Variants in LMF1 observed in about 807,000 individuals in gnomAD.
The protein encoded by LMF1 is lipase maturation factor 1.
A neutral mutation model predicts 60.6 loss-of-function variants in LMF1; 68 were observed. The ratio of observed to expected loss-of-function variants is 1.12; its 90% CI spans 0.92 to 1.37. The LOEUF is 1.37. LMF1 is among the 40% of genes most tolerant of loss of function. The pLI is 0.00. For synonymous variants in LMF1, 418 were observed against 324.7 expected, an observed-to-expected ratio of 1.29 and a Z score of -3.09; for missense variants, 948 against 767.2, an observed-to-expected ratio of 1.24 and a Z score of -2.78.
At chr16:879,439 G>A (rs1413250216) in intron 6 of LMF1, 131 bp downstream of exon 6, 4 of 1,078,360 alleles carry the variant, frequency 3.7e-6, no homozygotes, top group East Asian at 2.6e-5. Context: ...GAAGGCTGGG[G>A]AGGACAGGCT....
At position 970,877 on chromosome 16, in the gene LMF1, C is replaced by G. The variant is rs759097865; in HGVS notation, c.104G>C (p.Arg35Pro). Residue 35 changes from arginine (R) to proline (P), a missense_variant, in exon 1 of 11, where the codon CGT becomes CCT. By Grantham distance (103) the Arg-to-Pro change is moderately radical (BLOSUM62 -2). Transcript: ENST00000262301. ...ATGGGCCGGAGAGCCTGCGGGGCCA[C>G]GCCCCGGCGCGGGCGGCGACTCAGG... ...PEPESPPAPG[R>P]GPAGSPAHLH... 6.4e-6 allele frequency: 10 copies of G among 1,569,112 alleles called. No homozygotes were observed. The African/African-American group carries it at 8.3e-5, about 13-fold the overall frequency.
At chr16:871,423 G>GTTCCCTCCCCCCTCCCTGCTCCA in intron 6 of LMF1, 82 bp from the exon 7 acceptor site, 1 of 1,388,740 alleles carries the variant, frequency 7.2e-7, no homozygotes. Flanking sequence ...CCTGGAGCAG[G>GTTCCCTCCCCCCTCCCTGCTCCA]GAGGGGGGAG....
chr16:877,106 G>A (rs2070013796), intron 6 of LMF1, among the ~76,000 whole-genome samples: 1 of 152,194 alleles, frequency 6.6e-6, no homozygotes, highest in African/African-American at 2.4e-5. Flanking sequence ...TCAGGCAGGA[G>A]GAGTGCTCGA....
At chr16:952,131 G>A (rs2072487618) in intron 2 of LMF1, among the ~76,000 whole-genome samples, 1 of 152,164 alleles carries the variant, frequency 6.6e-6, no homozygotes, top group South Asian at 2.1e-4. Flanking sequence ...CAGGCCTCCT[G>A]CCCTGCCCTG....
At chr16:960,200 G>T (rs954567217) in intron 1 of LMF1, among the ~76,000 whole-genome samples, 1 of 152,252 alleles carries the variant, frequency 6.6e-6, no homozygotes, top group African/African-American at 2.4e-5. Flanking sequence ...AAGCATCCCT[G>T]CGGGGAAGGA....
chr16:915,013 G>A (rs1179458570), intron 3 of LMF1, among the ~76,000 whole-genome samples: 1 of 152,250 alleles, frequency 6.6e-6, no homozygotes, highest in Non-Finnish European at 1.5e-5. Flanking sequence ...CTGCCTGCTC[G>A]GCTGGCCCAG....
chr16:954,557 C>G lies in LMF1; in HGVS notation c.303G>C (p.Arg101Ser). The G allele has an allele frequency of 6.2e-6, 10 of 1,613,350 alleles. No individual in the cohort carries two copies. The highest frequency in any genetic ancestry group is 8.5e-6 in the Non-Finnish European group (10 of 1,179,868). The change falls in exon 2 of 11, where the codon AGG (arginine) becomes AGC (serine). Residue 101 changes from arginine (R) to serine (S), a missense_variant. Physicochemically the swap from Arg to Ser is moderately radical, Grantham distance 110 (BLOSUM62 -1). Transcript: ENST00000262301. ...LKNFQQYFQDRTSWEVFSYMP... is the reference protein window; with the variant it reads ...LKNFQQYFQDSTSWEVFSYMP... Reference sequence around the variant, plus strand: ...TGTAGCTGAAGACTTCCCAGCTCGTCCTGTCCTGGAAGTACTGCTGGAAGT... The same window carrying G: ...TGTAGCTGAAGACTTCCCAGCTCGTGCTGTCCTGGAAGTACTGCTGGAAGT...
rs2069146834 is a variant in LMF1 at position 854,923 on chromosome 16, G to A, written c.1530-217C>T. 3 of 599,450 alleles carry A rather than the reference G, an allele frequency of 5.0e-6. No homozygotes were observed. The East Asian group carries it at 8.4e-5, about 17-fold the overall frequency. The allele number at this position is 599,450 out of a possible 1,614,324, so 37.1% of individuals were successfully genotyped here. A position where few individuals can be genotyped will look rare whatever the true frequency, so the allele number is the denominator to read the frequency against. ...CCTCAGCAGTGAACAGCGCAGCAAGGGGGAAGGGCGGACGGGGGGCAGCTC... is the reference window on the plus strand; with the variant it reads ...CCTCAGCAGTGAACAGCGCAGCAAGAGGGAAGGGCGGACGGGGGGCAGCTC... On this transcript the variant is annotated intron_variant, in intron 10 of 10. Coordinates refer to ENST00000262301, the MANE Select transcript of LMF1 (RefSeq NM_022773.4).
chr16:872,533 G>A (rs11861283), intron 6 of LMF1: 6,404 of 152,372 alleles, frequency 0.042, 421 homozygotes, highest in African/African-American at 0.14. Flanking sequence ...GCCCCGCCTC[G>A]CCCTGGCTGG....
chr16:975,940 G>A (rs1160089234), upstream of LMF1: 1 of 380,064 alleles, frequency 2.6e-6, no homozygotes, highest in Non-Finnish European at 5.0e-6. Flanking sequence ...TTGAAATGGG[G>A]CTCGGTGTTG....
chr16:919,915 C>T (rs2071388223), intron 3 of LMF1, among the ~76,000 whole-genome samples: 1 of 152,172 alleles, frequency 6.6e-6, no homozygotes, highest in South Asian at 2.1e-4. Flanking sequence ...AGGCTCCTGC[C>T]CCCGGCACCA....
At chr16:865,252 C>T (rs746160632) in intron 10 of LMF1, among the ~76,000 whole-genome samples, 1 of 152,252 alleles carries the variant, frequency 6.6e-6, no homozygotes, top group Non-Finnish European at 1.5e-5. Flanking sequence ...ACTTCCTCTA[C>T]ATAAACTTTG....
At chr16:855,504 C>G (rs977810117) in intron 10 of LMF1, 2 of 358,626 alleles carry the variant, frequency 5.6e-6, no homozygotes, top group Admixed American at 3.8e-5. Flanking sequence ...GGGGGTGGGA[C>G]GAAGCCCCCT....
rs549551552 is a variant in LMF1 at position 954,916 on chromosome 16, G to C, written c.194-250C>G. On this transcript the variant is annotated intron_variant, in intron 1 of 10. Coordinates refer to ENST00000262301, the MANE Select transcript of LMF1 (RefSeq NM_022773.4). ...ATACACATCTAAGTGAACTAGACACGTTACATAAAATGCGTGCCCGCAGCA... is the reference window on the plus strand; with the variant it reads ...ATACACATCTAAGTGAACTAGACACCTTACATAAAATGCGTGCCCGCAGCA... Among the ~76,000 whole-genome samples, 2 of 146,422 alleles carry C rather than the reference G, an allele frequency of 1.4e-5. 1 individual carries two copies. Among genetic ancestry groups the C allele is most frequent in the South Asian group, 4.4e-4 (2 of 4,590 alleles).
intron 1 of LMF1, among the ~76,000 whole-genome samples, chr16:957,091 C>T (rs1276793142): frequency 2.0e-5 from 3 of 152,072 alleles, no homozygotes; most frequent in Admixed American, 6.6e-5. Context: ...CGGGAGGCTG[C>T]AGTGAGCCGA....
intron 9 of LMF1, chr16:869,388 A>C: frequency 5.1e-6 from 3 of 589,304 alleles, no homozygotes; most frequent in Non-Finnish European, 9.6e-6. Context: ...CAGAAACAGC[A>C]GCTCTGTCCA....
intron 10 of LMF1, among the ~76,000 whole-genome samples, chr16:859,949 G>C (rs2069402986): frequency 7.7e-6 from 1 of 129,492 alleles, no homozygotes; most frequent in African/African-American, 4.6e-5. Flanking sequence ...TCACGGGATG[G>C]GTGTGCAGTG....
Position 870,845 on chromosome 16 carries a change from G to C in LMF1, c.1116C>G (p.Gly372=), listed in dbSNP as rs551273842. ...GCACGCTGAGCCAGGCCAGCAGGACGCCCAGCGAGACGTTGGCTGCACGCC... is the reference window on the plus strand; with the variant it reads ...GCACGCTGAGCCAGGCCAGCAGGACCCCCAGCGAGACGTTGGCTGCACGCC... The part of the protein sequence containing the change: ...VVRRAANVSL[G]VLLAWLSVPV... The change falls in exon 8 of 11, where the codon GGC becomes GGG. Residue 372 remains glycine, a synonymous_variant. Transcript: ENST00000262301. 2 of 1,611,432 alleles carry C rather than the reference G, an allele frequency of 1.2e-6. No individual in the cohort carries two copies. Among genetic ancestry groups the C allele is most frequent in the African/African-American group, 2.7e-5 (2 of 75,044 alleles).
upstream of LMF1, chr16:971,069 G>T (rs376539): frequency 3.8e-6 from 5 of 1,303,542 alleles, no homozygotes; most frequent in South Asian, 3.4e-5. Flanking sequence ...GGCCGGCCCT[G>T]CCCACGGCCG....
Sources: gnomAD v4.1 joint callset for allele counts (sites outside exome capture counted in the v4.1 genomes callset) on GRCh38, gnomAD v4.1.1 for gene constraint, MANE v1.5 for transcripts, NCBI Gene and HGNC (gene_info 2026-07-23, HGNC 2026-07-21) for gene names.